Variants in PGAP4 observed in about 807,000 individuals in gnomAD.
PGAP4 encodes the protein GPI-N-acetylgalactosamine transferase PGAP4.
Under a neutral mutation model 28.2 loss-of-function variants are expected in PGAP4, and 12 were observed. That is an observed-to-expected ratio of 0.42 (90% CI 0.27 to 0.69). PGAP4 has a LOEUF of 0.69. PGAP4 is among the 30% of genes least tolerant of loss of function. The pLI is 0.22. For missense variants in PGAP4, 425 were observed against 513.5 expected, an observed-to-expected ratio of 0.83 and a Z score of 1.67; for synonymous variants, 205 against 211.8, an observed-to-expected ratio of 0.97 and a Z score of 0.28.
chr9:101,525,150 A>T (rs1482543295), intron 2 of PGAP4, among the ~76,000 whole-genome samples: 2 of 152,220 alleles, frequency 1.3e-5, no homozygotes, highest in Non-Finnish European at 2.9e-5. Flanking sequence ...TGCTGGGTCA[A>T]ATAGTAGTTG....
At chr9:101,501,031 C>T (rs899307031) in intron 2 of PGAP4, among the ~76,000 whole-genome samples, 6 of 151,992 alleles carry the variant, frequency 3.9e-5, no homozygotes, top group Admixed American at 6.6e-5. Flanking sequence ...TATTTTTCTT[C>T]AAGTGGATAC....
At chr9:101,491,483 G>A (rs893427366), upstream of PGAP4, among the ~76,000 whole-genome samples, 7 of 151,924 alleles carry the variant, frequency 4.6e-5, no homozygotes, top group African/African-American at 1.2e-4. Flanking sequence ...AATCTGTCCC[G>A]ACTGACATGG....
intron 2 of PGAP4, among the ~76,000 whole-genome samples, chr9:101,500,576 G>A (rs973449918): frequency 6.6e-6 from 1 of 151,726 alleles, no homozygotes; most frequent in South Asian, 2.1e-4. Flanking sequence ...CAGGTTTCAG[G>A]GATTAGGAAA....
At chr9:101,510,381 A>ATT (rs1199573470) in intron 2 of PGAP4, among the ~76,000 whole-genome samples, 1 of 143,870 alleles carries the variant, frequency 7.0e-6, no homozygotes, top group Non-Finnish European at 1.5e-5. Flanking sequence ...CGTTATGTTC[A>ATT]TGTTTTTTTT....
chr9:101,532,886 C>CT (rs1171622536), exon 1 of PGAP4: 1 of 151,414 alleles, frequency 6.6e-6, no homozygotes, highest in Non-Finnish European at 1.5e-5. Flanking sequence ...AGATTAGCTT[C>CT]TTTTTTTCCC....
intron 2 of PGAP4, among the ~76,000 whole-genome samples, chr9:101,504,209 G>GTTTTTTTTTTTTTTTTTT (rs3081858): frequency 4.4e-5 from 1 of 22,692 alleles, no homozygotes; most frequent in Non-Finnish European, 8.0e-5. Flanking sequence ...GTGTGTGTTT[G>GTTTTTTTTTTTTTTTTTT]TTTTTTTTTT....
intron 2 of PGAP4, among the ~76,000 whole-genome samples, chr9:101,512,102 C>G (rs760172168): frequency 1.3e-5 from 2 of 152,128 alleles, no homozygotes; most frequent in Admixed American, 1.3e-4. Flanking sequence ...GGGTGAGAGC[C>G]TGACCAAAAG....
At chr9:101,509,072 C>T (rs4119332) in intron 2 of PGAP4, among the ~76,000 whole-genome samples, 21,902 of 152,220 alleles carry the variant, frequency 0.14, 1,677 homozygotes, top group East Asian at 0.24. Flanking sequence ...AGTTGATCCT[C>T]TTCTAGCGTG....
chr9:101,492,610 T>TC (rs1451734652), intron 2 of PGAP4, among the ~76,000 whole-genome samples: 3 of 152,154 alleles, frequency 2.0e-5, no homozygotes, highest in African/African-American at 4.8e-5. Context: ...GGGTTTTTTT[T>TC]CTAGTAGGCA....
At position 101,521,792 on chromosome 9, in the gene PGAP4, G is replaced by A. The variant is rs551759485; in HGVS notation, c.-165+9556C>T. 1.9e-4 allele frequency among the ~76,000 whole-genome samples: 29 copies of A among 152,074 alleles called. 3 individuals carry two copies. The South Asian group carries it at 5.6e-3, about 29-fold the overall frequency. ...TTGTTCTTGTTTCTTAGTTCCTTGAGGTATGACCTCAGAGTGTCTGTTTGC... is the reference window on the plus strand; with the variant it reads ...TTGTTCTTGTTTCTTAGTTCCTTGAAGTATGACCTCAGAGTGTCTGTTTGC... On this transcript the variant is annotated intron_variant, in intron 2 of 3. Coordinates refer to the PGAP4 transcript ENST00000374851.
chr9:101,493,877 G>A (rs1234389724), intron 2 of PGAP4, among the ~76,000 whole-genome samples: 1 of 151,934 alleles, frequency 6.6e-6, no homozygotes, highest in Admixed American at 6.6e-5. Flanking sequence ...CAAATATTGG[G>A]GGAGATTAGG....
intron 2 of PGAP4, among the ~76,000 whole-genome samples, chr9:101,503,600 A>G (rs1468741432): frequency 6.6e-6 from 1 of 151,960 alleles, no homozygotes; most frequent in Non-Finnish European, 1.5e-5. Context: ...TCAGATTAGA[A>G]CCCCAAATTG....
At chr9:101,487,570 T>C (rs1298730127), upstream of PGAP4, among the ~76,000 whole-genome samples, 1 of 152,058 alleles carries the variant, frequency 6.6e-6, no homozygotes, top group Middle Eastern at 3.4e-3. Context: ...GGAGGAAAAA[T>C]GTGGGGGTCA....
At chr9:101,508,307 A>G (rs956791117) in intron 2 of PGAP4, among the ~76,000 whole-genome samples, 2 of 152,138 alleles carry the variant, frequency 1.3e-5, no homozygotes, top group Admixed American at 6.6e-5. Flanking sequence ...TCTAAAAACC[A>G]GTCTGACTGA....
chr9:101,528,794 G>GTT (rs201196657), intron 2 of PGAP4, among the ~76,000 whole-genome samples: 119 of 140,262 alleles, frequency 8.5e-4, no homozygotes, highest in African/African-American at 2.5e-3. Context: ...ACACTTCTTA[G>GTT]TTTTTTTTTT....
chr9:101,485,928 A>C (rs1826603658), intron 1 of PGAP4, among the ~76,000 whole-genome samples: 1 of 151,332 alleles, frequency 6.6e-6, no homozygotes, highest in Admixed American at 6.6e-5. Context: ...TAAAAAAAAA[A>C]GCTATTTCCC....
chr9:101,495,618 C>T (rs1826740046), intron 2 of PGAP4, among the ~76,000 whole-genome samples: 1 of 148,840 alleles, frequency 6.7e-6, no homozygotes, highest in African/African-American at 2.5e-5. Flanking sequence ...AATTACAGGT[C>T]ATGGCTAAAT....
chr9:101,498,461 A>G (rs1266828130), intron 2 of PGAP4, among the ~76,000 whole-genome samples: 1 of 151,600 alleles, frequency 6.6e-6, no homozygotes, highest in East Asian at 1.9e-4. Flanking sequence ...GAGCTGTTGT[A>G]ATTTGTAAAG....
chr9:101,500,777 C>A (rs1357556730), intron 2 of PGAP4, among the ~76,000 whole-genome samples: 2 of 151,978 alleles, frequency 1.3e-5, no homozygotes, highest in Non-Finnish European at 2.9e-5. Context: ...ACCTATTAGT[C>A]TGCATTTCTG....
Sources: allele counts gnomAD v4.1 joint callset (sites outside exome capture counted in the v4.1 genomes callset), GRCh38; gene constraint gnomAD v4.1.1; transcripts MANE v1.5; gene names NCBI Gene and HGNC (gene_info 2026-07-23, HGNC 2026-07-21).